Variants in GALM observed in about 807,000 individuals in gnomAD.
The protein encoded by GALM is aldose 1-epimerase.
A neutral mutation model predicts 37.4 loss-of-function variants in GALM; 43 were observed. The observed-to-expected ratio is 1.15, with a 90% confidence interval of 0.90 to 1.48. GALM has a LOEUF of 1.48. Ranked by LOEUF, GALM falls within the 40% of genes most tolerant of loss-of-function variation. The pLI is 0.00. For synonymous variants in GALM, 199 were observed against 170.6 expected, an observed-to-expected ratio of 1.17 and a Z score of -1.30; for missense variants, 456 against 419.1, an observed-to-expected ratio of 1.09 and a Z score of -0.77.
At chr2:38,708,715 C>G (rs62142659) in intron 4 of GALM, among the ~76,000 whole-genome samples, 2 of 136,790 alleles carry the variant, frequency 1.5e-5, no homozygotes, top group Non-Finnish European at 3.0e-5. Context: ...GGTGATAGAG[C>G]GAGACTCTGT....
intron 4 of GALM, among the ~76,000 whole-genome samples, chr2:38,710,739 C>T: frequency 6.6e-6 from 1 of 150,514 alleles, no homozygotes; most frequent in Non-Finnish European, 1.5e-5. Flanking sequence ...TTTGGTCATA[C>T]TGGTCATTTC....
rs772088658 is a variant in GALM at position 38,681,482 on chromosome 2, G to C, written c.548G>C (p.Gly183Ala). 6.2e-7 allele frequency: 1 copy of C among 1,613,356 alleles called. No individual in the cohort carries two copies. The highest frequency in any genetic ancestry group is 1.1e-5 in the South Asian group (1 of 91,066). The change falls in exon 3 of 7, where the codon GGC (glycine) becomes GCC (alanine). Residue 183 changes from glycine to alanine, a missense_variant. Physicochemically the swap from Gly to Ala is moderately conservative, Grantham distance 60 (BLOSUM62 0). Transcript: ENST00000272252. ...LTNHSYFNLA[G>A]QASPNINDHE... is the part of the protein sequence containing the mutation. ...AACCATTCTTACTTCAACCTGGCAGGCCAGGTAAGTGAACTTGTTTCTTCT... is the reference window on the plus strand; with the variant it reads ...AACCATTCTTACTTCAACCTGGCAGCCCAGGTAAGTGAACTTGTTTCTTCT...
chr2:38,697,587 G>A (rs767026346), intron 4 of GALM, among the ~76,000 whole-genome samples: 28 of 152,100 alleles, frequency 1.8e-4, no homozygotes, highest in Non-Finnish European at 3.5e-4. Context: ...TCAGGTGATG[G>A]GAAAACACAT....
chr2:38,712,428 A>G (rs1156579043), intron 4 of GALM, among the ~76,000 whole-genome samples: 1 of 152,188 alleles, frequency 6.6e-6, no homozygotes, highest in East Asian at 1.9e-4. Flanking sequence ...TTCCTGGGAA[A>G]CATGTTTCCT....
In GALM at chr2:38,666,174, A is replaced by G. The variant is rs753623665; in HGVS notation, c.13A>G (p.Thr5Ala). Reference sequence around the variant, plus strand: ...CCAAACTTTCCCTATGGCTTCGGTGACCAGGGCCGTGTTTGGAGAGCTGCC... The same window carrying G: ...CCAAACTTTCCCTATGGCTTCGGTGGCCAGGGCCGTGTTTGGAGAGCTGCC... MASV[T>A]RAVFGELPSG... Residue 5 changes from threonine (T) to alanine (A), a missense_variant, in exon 1 of 7, where the codon ACC becomes GCC. Thr to Ala is a moderately conservative substitution (Grantham distance 58). Transcript: ENST00000272252. 1.2e-5 allele frequency: 20 copies of G among 1,612,424 alleles called. No homozygotes were observed. Among genetic ancestry groups the G allele is most frequent in the Non-Finnish European group, 1.5e-5 (18 of 1,179,188 alleles).
chr2:38,698,337 A>T lies in GALM; in HGVS notation c.634+8443A>T. 3 of 1,274,418 alleles carry T rather than the reference A, an allele frequency of 2.4e-6. 1 individual carries two copies. The highest frequency in any genetic ancestry group is 3.1e-6 in the Non-Finnish European group (3 of 961,096). The allele number at this position is 1,274,418 out of a possible 1,614,324, so 78.9% of individuals were successfully genotyped here. ...TGTATTGAGTGCATAGCCCTTGCTC[A>T]CAGGTGCTTCTTTCCTGTCCCATGG... On this transcript the variant is annotated intron_variant, in intron 4 of 6. Coordinates refer to ENST00000272252, the MANE Select transcript of GALM (RefSeq NM_138801.3).
chr2:38,690,083 A>C (rs534061546), intron 4 of GALM, among the ~76,000 whole-genome samples, 189 bp downstream of exon 4: 1 of 152,344 alleles, frequency 6.6e-6, no homozygotes, highest in African/African-American at 2.4e-5. Flanking sequence ...GCATGAGGGA[A>C]AGCTGGGACA....
rs961962930 is a variant in GALM, at chr2:38,733,838, G to A, written c.*273G>A. The A allele has an allele frequency of 9.3e-6, 4 of 430,668 alleles. No individual in the cohort carries two copies. The highest frequency in any genetic ancestry group is 8.1e-5 in the African/African-American group (4 of 49,596). 26.7% of individuals were successfully genotyped at this position (430,668 alleles called of 1,614,324 possible). A position where few individuals can be genotyped will look rare whatever the true frequency, so the allele number is the denominator to read the frequency against. On this transcript the variant is annotated 3_prime_UTR_variant, in exon 7 of 7. Coordinates refer to ENST00000272252, the MANE Select transcript of GALM (RefSeq NM_138801.3). Reference sequence around the variant, plus strand: ...CATCTAAGCCCTGACCCTAGCCAGGGACTCCCATGCTGCTGTTGGCTCCAT... The same window carrying A: ...CATCTAAGCCCTGACCCTAGCCAGGAACTCCCATGCTGCTGTTGGCTCCAT...
At chr2:38,692,986 T>C (rs1046369391) in intron 4 of GALM, among the ~76,000 whole-genome samples, 19 of 152,160 alleles carry the variant, frequency 1.2e-4, no homozygotes, top group Admixed American at 2.0e-4. Context: ...GAGAGGTTGA[T>C]TGGGGCCATG....
rs772088658 is a variant in GALM, at chr2:38,681,482, G to T, written c.548G>T (p.Gly183Val). ...LTNHSYFNLA[G>V]QASPNINDHE... ...AACCATTCTTACTTCAACCTGGCAGGCCAGGTAAGTGAACTTGTTTCTTCT... is the reference window on the plus strand; with the variant it reads ...AACCATTCTTACTTCAACCTGGCAGTCCAGGTAAGTGAACTTGTTTCTTCT... The change falls in exon 3 of 7, where the codon GGC (glycine) becomes GTC (valine). Residue 183 changes from glycine (G) to valine (V), a missense_variant. By Grantham distance (109) the Gly-to-Val change is moderately radical (BLOSUM62 -3). Transcript: ENST00000272252. 38 of 1,613,238 alleles carry T rather than the reference G, an allele frequency of 2.4e-5. 1 individual carries two copies. The Middle Eastern group carries it at 6.6e-4, about 28-fold the overall frequency.
chr2:38,676,115 T>C, intron 2 of GALM, 49 bp downstream of exon 2: 1 of 1,583,636 alleles, frequency 6.3e-7, no homozygotes, highest in South Asian at 1.1e-5. Flanking sequence ...ACTTTACGCA[T>C]ACCTTCTGCT....
At chr2:38,720,296 C>A (rs1434640114) in intron 4 of GALM, among the ~76,000 whole-genome samples, 1 of 151,226 alleles carries the variant, frequency 6.6e-6, no homozygotes, top group Non-Finnish European at 1.5e-5. Context: ...ATGCCTGGCA[C>A]ATAGAAAATG....
rs1178141610 is a variant in GALM at position 38,722,040 on chromosome 2, AC to A, written c.635-7504del. On this transcript the variant is annotated intron_variant, in intron 4 of 6. Coordinates refer to ENST00000272252, the MANE Select transcript of GALM (RefSeq NM_138801.3). The stretch of plus-strand genomic sequence containing the variant: ...AACTATGCCTTCCCTTCCCCCCCCC[AC>A]CCCCCCCCCCCACCTAGAACAGAAG... Among the ~76,000 whole-genome samples, 220 of 53,450 alleles carry A rather than the reference AC, an allele frequency of 4.1e-3. 2 individuals carry two copies. Among genetic ancestry groups the A allele is most frequent in the African/African-American group, 0.011 (183 of 16,612 alleles). The allele number at this position is 53,450 out of a possible 152,430, so 35.1% of individuals were successfully genotyped here.
chr2:38,723,071 A>G (rs1285425079), intron 4 of GALM, among the ~76,000 whole-genome samples: 1 of 152,090 alleles, frequency 6.6e-6, no homozygotes, highest in Non-Finnish European at 1.5e-5. Context: ...GCCTTCATTC[A>G]TCAGTTTTTC....
intron 1 of GALM, among the ~76,000 whole-genome samples, chr2:38,672,934 C>T (rs1221722589): frequency 6.6e-6 from 1 of 152,004 alleles, no homozygotes; most frequent in Non-Finnish European, 1.5e-5. Flanking sequence ...TGCTTGAATC[C>T]AGGAGGCGGA....
At chr2:38,707,984 G>A (rs1057247410) in intron 4 of GALM, among the ~76,000 whole-genome samples, 5 of 152,210 alleles carry the variant, frequency 3.3e-5, no homozygotes, top group African/African-American at 9.6e-5. Flanking sequence ...GCACACACCT[G>A]TAATCCAAGC....
intron 4 of GALM, among the ~76,000 whole-genome samples, chr2:38,696,310 G>C (rs751183146): frequency 1.3e-5 from 2 of 151,350 alleles, no homozygotes; most frequent in Non-Finnish European, 2.9e-5. Context: ...GTAGAGATGG[G>C]GTTTCACCAT....
At chr2:38,719,653 T>C (rs1164158197) in intron 4 of GALM, among the ~76,000 whole-genome samples, 1 of 149,910 alleles carries the variant, frequency 6.7e-6, no homozygotes, top group Non-Finnish European at 1.5e-5. Context: ...CGGGCACCTA[T>C]AATCTCAGCT....
intron 3 of GALM, among the ~76,000 whole-genome samples, chr2:38,687,259 G>A (rs1027730091): frequency 6.6e-6 from 1 of 152,208 alleles, no homozygotes; most frequent in Non-Finnish European, 1.5e-5. Flanking sequence ...CCTGCTCTAG[G>A]CAGGGGTACA....
Sources: gnomAD v4.1 joint callset for allele counts (sites outside exome capture counted in the v4.1 genomes callset) on GRCh38, gnomAD v4.1.1 for gene constraint, MANE v1.5 for transcripts, NCBI Gene and HGNC (gene_info 2026-07-23, HGNC 2026-07-21) for gene names.